Variants in PTGR1 observed in about 807,000 individuals in gnomAD.
PTGR1 encodes 15-oxoprostaglandin 13-reductase.
PTGR1 carries 23 observed loss-of-function variants against 37.7 expected under a neutral mutation model. The observed-to-expected ratio is 0.61, with a 90% confidence interval of 0.44 to 0.86. PTGR1 has a LOEUF of 0.86. Ranked by LOEUF, PTGR1 falls within the 40% of genes least tolerant of loss-of-function variation. The pLI is 0.00. For missense variants in PTGR1, 351 were observed against 394.3 expected (o/e 0.89, Z 0.93); for synonymous variants, 134 against 140.0 (o/e 0.96, Z 0.30).
chr9:111,566,958 A>C (rs2132332673), intron 9 of PTGR1, among the ~76,000 whole-genome samples: 1 of 152,214 alleles, frequency 6.6e-6, no homozygotes, highest in Non-Finnish European at 1.5e-5. Flanking sequence ...GTGTGGTGGC[A>C]CATGACTGTT....
chr9:111,563,243 C>A lies in PTGR1; in HGVS notation c.880-12G>T, dbSNP rs775714543. The A allele has an allele frequency of 6.2e-7, 1 of 1,605,626 alleles. No homozygotes were observed. Among genetic ancestry groups the A allele is most frequent in the South Asian group, 1.1e-5 (1 of 89,720 alleles). On this transcript the variant is annotated splice_polypyrimidine_tract_variant and intron_variant, in intron 9 of 9. Transcript: ENST00000407693. The stretch of plus-strand genomic sequence containing the variant: ...TACTGGATTTTACCCTGTATCAAAG[C>A]AACAACAAATTTTAAAACTTAATTT...
At chr9:111,583,371 T>A (rs1829334608) in intron 6 of PTGR1, 101 bp downstream of exon 6, 1 of 952,390 alleles carries the variant, frequency 1.0e-6, no homozygotes, top group African/African-American at 1.6e-5. Context: ...AGAAGACAAC[T>A]AGACTATAAA....
chr9:111,584,443 T>C (rs947158764), intron 5 of PTGR1, among the ~76,000 whole-genome samples: 3 of 152,196 alleles, frequency 2.0e-5, no homozygotes, highest in African/African-American at 7.2e-5. Context: ...TGTAAGAAGG[T>C]ATTAAGCATC....
At chr9:111,559,203 C>T (rs1440146970), downstream of PTGR1, among the ~76,000 whole-genome samples, 1 of 152,120 alleles carries the variant, frequency 6.6e-6, no homozygotes, top group African/African-American at 2.4e-5. Flanking sequence ...CACGTGATAC[C>T]CTCCTACCTC....
chr9:111,583,605 T>C lies in PTGR1; in HGVS notation c.378-16A>G. Reference sequence around the variant, plus strand: ...GGCAGTCAGGCTAAAGGAAGAAAATTAAGGATATATGAATAGAGTTGTTTC... The same window carrying C: ...GGCAGTCAGGCTAAAGGAAGAAAATCAAGGATATATGAATAGAGTTGTTTC... On this transcript the variant is annotated splice_polypyrimidine_tract_variant and intron_variant, in intron 5 of 9. Coordinates refer to ENST00000407693, the MANE Select transcript of PTGR1 (RefSeq NM_001146108.2). The C allele has an allele frequency of 6.5e-7, 1 of 1,546,942 alleles. No individual in the cohort carries two copies. Among genetic ancestry groups the C allele is most frequent in the South Asian group, 1.1e-5 (1 of 89,692 alleles).
chr9:111,561,271 T>C, downstream of PTGR1, among the ~76,000 whole-genome samples: 1 of 151,600 alleles, frequency 6.6e-6, no homozygotes, highest in East Asian at 1.9e-4. Flanking sequence ...CTTTTGTTGT[T>C]GTTTTGTTTT....
At chr9:111,562,391 T>A (rs1828354253), downstream of PTGR1, among the ~76,000 whole-genome samples, 3 of 151,660 alleles carry the variant, frequency 2.0e-5, no homozygotes, top group Non-Finnish European at 4.4e-5. Context: ...GTCTCCTGTC[T>A]CAGCCTCCCA....
Position 111,574,705 on chromosome 9 carries a change from A to G in PTGR1, c.760+29T>C, listed in dbSNP as rs566283799. The G allele has an allele frequency of 8.5e-6, 13 of 1,522,816 alleles. No individual in the cohort carries two copies. In the South Asian group the frequency reaches 1.3e-4, roughly 15 times the overall value. 94.3% of individuals were successfully genotyped at this position (1,522,816 alleles called of 1,614,324 possible). A position where few individuals can be genotyped will look rare whatever the true frequency, so the allele number is the denominator to read the frequency against. ...TTTTCTCCTTGTCCAGCCTTGTGAC[A>G]TATGGGATCGTGTGCATGTGCTCAT... On this transcript the variant is annotated intron_variant, in intron 8 of 9. Transcript: ENST00000407693.
intron 1 of PTGR1, among the ~76,000 whole-genome samples, chr9:111,599,105 G>A (rs1016228761): frequency 6.6e-6 from 1 of 152,146 alleles, no homozygotes; most frequent in Admixed American, 6.5e-5. Flanking sequence ...TCCTGGAAAG[G>A]GTCTGGCCGC....
intron 4 of PTGR1, among the ~76,000 whole-genome samples, chr9:111,588,065 G>A (rs1301461839): frequency 1.4e-5 from 2 of 146,936 alleles, no homozygotes; most frequent in South Asian, 2.1e-4. Flanking sequence ...TCAGGCTGGA[G>A]TGTAGTGGTG....
At chr9:111,575,794 T>G (rs1169091237) in intron 7 of PTGR1, among the ~76,000 whole-genome samples, 1 of 152,046 alleles carries the variant, frequency 6.6e-6, no homozygotes, top group African/African-American at 2.4e-5. Context: ...TATAAAACTC[T>G]TAGAAGAAAA....
At chr9:111,561,580 T>G (rs551437909), downstream of PTGR1, among the ~76,000 whole-genome samples, 1 of 152,164 alleles carries the variant, frequency 6.6e-6, no homozygotes, top group East Asian at 1.9e-4. Context: ...ATGTTTTAAG[T>G]TTTTCTTCAT....
intron 8 of PTGR1, 71 bp from the exon 9 acceptor site, chr9:111,570,280 T>TCA: frequency 6.6e-7 from 1 of 1,526,268 alleles, no homozygotes; most frequent in Non-Finnish European, 8.8e-7. Flanking sequence ...GCAGTACAGG[T>TCA]CACTGTCACT....
At chr9:111,586,217 T>G in intron 4 of PTGR1, 52 bp from the exon 5 acceptor site, 1 of 1,553,350 alleles carries the variant, frequency 6.4e-7, no homozygotes, top group Non-Finnish European at 8.8e-7. Flanking sequence ...GTCTTCCCTT[T>G]CAAGGGAGTC....
At chr9:111,551,151 C>G (rs1217236161) in intron 9 of PTGR1, among the ~76,000 whole-genome samples, 11 of 152,068 alleles carry the variant, frequency 7.2e-5, no homozygotes, top group Admixed American at 7.2e-4. Context: ...CCAATATATC[C>G]ATAATATTAT....
chr9:111,561,999 C>T (rs1828339039), downstream of PTGR1, among the ~76,000 whole-genome samples: 1 of 151,358 alleles, frequency 6.6e-6, no homozygotes, highest in South Asian at 2.1e-4. Flanking sequence ...GATTTTCCTG[C>T]CTCAGCCTCT....
chr9:111,582,887 C>T (rs2132406839), intron 6 of PTGR1, among the ~76,000 whole-genome samples: 1 of 152,374 alleles, frequency 6.6e-6, no homozygotes, highest in African/African-American at 2.4e-5. Context: ...AGATCACCTT[C>T]CCACTATGTA....
chr9:111,557,585 C>G (rs1329889453), downstream of PTGR1, among the ~76,000 whole-genome samples: 1 of 151,838 alleles, frequency 6.6e-6, no homozygotes, highest in Non-Finnish European at 1.5e-5. Flanking sequence ...GGCTGTGCCA[C>G]CATGCCCTGC....
intron 9 of PTGR1, among the ~76,000 whole-genome samples, chr9:111,555,609 T>G (rs921911486): frequency 2.8e-4 from 42 of 152,274 alleles, no homozygotes; most frequent in African/African-American, 9.6e-4. Context: ...CCTCAGGAAC[T>G]TACAGTCATG....
Sources: allele counts gnomAD v4.1 joint callset (sites outside exome capture counted in the v4.1 genomes callset), GRCh38; gene constraint gnomAD v4.1.1; transcripts MANE v1.5; gene names NCBI Gene and HGNC (gene_info 2026-07-23, HGNC 2026-07-21).